Variants in PKD1L1 observed in about 807,000 individuals in gnomAD.
The protein encoded by PKD1L1 is polycystin 1 like 1, transient receptor potential channel interacting, also known as polycystin-1-like protein 1.
Under a neutral mutation model 323.4 loss-of-function variants are expected in PKD1L1, and 236 were observed. The ratio of observed to expected loss-of-function variants is 0.73; its 90% confidence interval spans 0.66 to 0.81. PKD1L1 has a LOEUF of 0.81. Ranked by LOEUF, PKD1L1 falls within the 40% of genes least tolerant of loss-of-function variation. The probability of loss-of-function intolerance (pLI) is 0.00; values close to 1 mark genes in which losing one functional copy is unlikely to be tolerated. For synonymous variants in PKD1L1, 1,344 were observed against 1,335.0 expected (o/e 1.01, Z -0.15); for missense variants, 3,320 against 3,508.0 (o/e 0.95, Z 1.35).
rs761938671 is a variant in PKD1L1 at position 47,893,976 on chromosome 7, G to A, written c.2355C>T (p.Ser785=). The A allele has an allele frequency of 1.8e-5, 29 of 1,613,626 alleles. No homozygotes were observed. The highest frequency in any genetic ancestry group is 2.2e-5 in the East Asian group (1 of 44,870). ...VRAQAPVSVI[S]EGTHLFFSRT... is the part of the protein sequence containing the mutation. ...TGGAGAAGAATAGGTGTGTGCCCTC[G>A]GAGATCACACTGACAGGGGCCTGGG... The change falls in exon 15 of 57, where the codon TCC becomes TCT. Residue 785 remains serine, a synonymous_variant. Coordinates refer to ENST00000289672, the MANE Select transcript of PKD1L1 (RefSeq NM_138295.5).
At chr7:47,793,490 C>G (rs1424729666) in intron 55 of PKD1L1, among the ~76,000 whole-genome samples, 1 of 152,134 alleles carries the variant, frequency 6.6e-6, no homozygotes, top group Non-Finnish European at 1.5e-5. Context: ...TTTCTCTTGC[C>G]ACTGCCACGT....
chr7:47,960,398 T>TAACAAAAA, the PKD1L1 span, among the ~76,000 whole-genome samples: 1 of 107,602 alleles, frequency 9.3e-6, no homozygotes, highest in Non-Finnish European at 1.9e-5. Flanking sequence ...AAAAAAACTG[T>TAACAAAAA]AAAAAAGAAA....
At chr7:47,873,749 G>A (rs1308253805) in intron 24 of PKD1L1, 150 bp downstream of exon 24, 5 of 563,306 alleles carry the variant, frequency 8.9e-6, no homozygotes, top group Non-Finnish European at 1.6e-5. Flanking sequence ...CAGGATTGCA[G>A]TGATAGCACC....
In PKD1L1 at chr7:47,781,174, T is replaced by C. The variant is rs181536408; in HGVS notation, c.8527-6008A>G. 1.2e-4 allele frequency among the ~76,000 whole-genome samples: 19 copies of C among 152,308 alleles called. No individual in the cohort carries two copies. The East Asian group carries it at 3.7e-3, about 29-fold the overall frequency. ...AGTGATAGTCACATCTTTTCATGTG[T>C]TTGCCATCTGTACATCTTCTTCAGT... On this transcript the variant is annotated intron_variant, in intron 56 of 56. Coordinates refer to ENST00000289672, the MANE Select transcript of PKD1L1 (RefSeq NM_138295.5).
chr7:47,821,998 A>G (rs943961475), intron 45 of PKD1L1, among the ~76,000 whole-genome samples: 2 of 152,016 alleles, frequency 1.3e-5, no homozygotes, highest in Non-Finnish European at 2.9e-5. Flanking sequence ...CCCCAGCACC[A>G]TTTTTAAAAG....
upstream of PKD1L1, among the ~76,000 whole-genome samples, chr7:47,950,709 CA>C (rs11445663): frequency 2.7e-3 from 372 of 139,804 alleles, no homozygotes; most frequent in Non-Finnish European, 2.4e-3. Context: ...ACTCTTGTCT[CA>C]AAAAAAAAAA....
chr7:47,906,106 A>G (rs1031298498), intron 9 of PKD1L1, 144 bp from the exon 10 acceptor site: 1 of 735,820 alleles, frequency 1.4e-6, no homozygotes. Flanking sequence ...TGTGCTCTGA[A>G]ATCAGACATA....
At chr7:47,887,391 G>A (rs184855907) in intron 17 of PKD1L1, among the ~76,000 whole-genome samples, 2 of 152,352 alleles carry the variant, frequency 1.3e-5, no homozygotes, top group Non-Finnish European at 2.9e-5. Flanking sequence ...TGAGAAATCA[G>A]TCTCGCTCCT....
intron 12 of PKD1L1, among the ~76,000 whole-genome samples, chr7:47,903,019 C>T (rs905955258): frequency 6.6e-6 from 1 of 152,192 alleles, no homozygotes; most frequent in Non-Finnish European, 1.5e-5. Context: ...GATCCATAGC[C>T]TGTCTCCGGG....
chr7:47,942,923 G>T (rs759658336), intron 2 of PKD1L1, among the ~76,000 whole-genome samples: 1 of 152,094 alleles, frequency 6.6e-6, no homozygotes, highest in Non-Finnish European at 1.5e-5. Flanking sequence ...GAGGTGGGCA[G>T]ATCACGAGGT....
intron 47 of PKD1L1, among the ~76,000 whole-genome samples, chr7:47,814,474 G>A (rs1011902414): frequency 2.0e-4 from 31 of 152,178 alleles, no homozygotes; most frequent in African/African-American, 7.5e-4. Context: ...CCACCCACCG[G>A]GTTCAAGCAA....
intron 2 of PKD1L1, among the ~76,000 whole-genome samples, chr7:47,943,161 AAAATATATATAT>A (rs57131870): frequency 0.16 from 13,297 of 81,898 alleles, 636 homozygotes; most frequent in East Asian, 0.27. Context: ...AAAAAAAAAA[AAAATATATATAT>A]ATATATATAT....
At chr7:47,845,958 GC>G (rs1785657570) in intron 32 of PKD1L1, among the ~76,000 whole-genome samples, 1 of 152,174 alleles carries the variant, frequency 6.6e-6, no homozygotes, top group African/African-American at 2.4e-5. Context: ...ATGAATGATT[GC>G]ATTAATGCAT....
At position 47,876,190 on chromosome 7, in the gene PKD1L1, T is replaced by C. The variant is rs1159847148; in HGVS notation, c.3691A>G (p.Ile1231Val). 1.2e-6 allele frequency: 2 copies of C among 1,613,976 alleles called. No homozygotes were observed. Among genetic ancestry groups the C allele is most frequent in the African/African-American group, 2.7e-5 (2 of 74,900 alleles). ...PDFHYEFSYQ[I>V]GNTSKHTLYH... ...AAAGTGTGTTTGGAGGTGTTTCCTA[T>C]CTGGTAACTAAATTCATAATGGAAG... Residue 1231 changes from isoleucine to valine, a missense_variant, in exon 23 of 57, where the codon ATA becomes GTA. Coordinates refer to ENST00000289672, the MANE Select transcript of PKD1L1 (RefSeq NM_138295.5).
Position 47,846,898 on chromosome 7 carries a change from G to C in PKD1L1, c.5134C>G (p.Pro1712Ala). 2 of 1,602,442 alleles carry C rather than the reference G, an allele frequency of 1.2e-6. No individual in the cohort carries two copies. The highest frequency in any genetic ancestry group is 1.7e-6 in the Non-Finnish European group (2 of 1,177,110). Reference protein sequence around the residue: ...ERFSPQPGTSPEKVNCSYHRL... With the variant: ...ERFSPQPGTSAEKVNCSYHRL... ...CTATACCTGCAGTTCACTTTTTCAG[G>C]AGAAGTCCCTGGTTGTGGAGAGAAA... is the stretch of plus-strand genomic sequence containing the variant. The change falls in exon 32 of 57, where the codon CCT becomes GCT. Residue 1712 changes from proline to alanine, a missense_variant. Transcript: ENST00000289672.
rs1784519944 is a variant in PKD1L1, at chr7:47,796,051, C to A, written c.8293G>T (p.Val2765Phe). The A allele has an allele frequency of 6.2e-7, 1 of 1,612,592 alleles. No individual in the cohort carries two copies. The highest frequency in any genetic ancestry group is 8.5e-7 in the Non-Finnish European group (1 of 1,179,436). Residue 2765 changes from valine (V) to phenylalanine (F), a missense_variant, in exon 55 of 57, where the codon GTC (valine) becomes TTC (phenylalanine). Physicochemically the swap from Val to Phe is conservative, Grantham distance 50. Coordinates refer to ENST00000289672, the MANE Select transcript of PKD1L1 (RefSeq NM_138295.5). The stretch of plus-strand genomic sequence containing the variant: ...GTTTCCAGTCTCAGAAAGGTGAGGA[C>A]CTTTTCCCACATATAAGCAGTGACA... ...KDVTAYMWEK[V>F]LTFLRLETPK...
chr7:47,890,714 C>G lies in PKD1L1; in HGVS notation c.2503G>C (p.Asp835His). 6.2e-7 allele frequency: 1 copy of G among 1,613,302 alleles called. No individual in the cohort carries two copies. Among genetic ancestry groups the G allele is most frequent in the South Asian group, 1.1e-5 (1 of 91,030 alleles). The change falls in exon 16 of 57, where the codon GAC becomes CAC. Residue 835 changes from aspartate to histidine, a missense_variant. Coordinates refer to ENST00000289672, the MANE Select transcript of PKD1L1 (RefSeq NM_138295.5). ...TCCAGTTGGTGTGCAGTGGAGGAGT[C>G]GAAGCAGGGATGTGCTGGGGAGCCA... ...TAGSPAHPCF[D>H]SSTAHQLDAA...
At chr7:47,785,243 C>T (rs1211758848) in intron 56 of PKD1L1, among the ~76,000 whole-genome samples, 2 of 152,104 alleles carry the variant, frequency 1.3e-5, no homozygotes, top group East Asian at 1.9e-4. Flanking sequence ...TAACATAGGT[C>T]CAAGTGGATA....
intron 13 of PKD1L1, among the ~76,000 whole-genome samples, chr7:47,901,660 G>A (rs757479000): frequency 2.6e-5 from 4 of 152,220 alleles, no homozygotes; most frequent in Non-Finnish European, 5.9e-5. Context: ...GCCTGTGTGG[G>A]GGCCGGGACC....
Sources: gnomAD v4.1 joint callset for allele counts (sites outside exome capture counted in the v4.1 genomes callset) on GRCh38, gnomAD v4.1.1 for gene constraint, MANE v1.5 for transcripts, NCBI Gene and HGNC (gene_info 2026-07-23, HGNC 2026-07-21) for gene names.